Variants in BTN3A2 observed in about 807,000 individuals in gnomAD.
BTN3A2 encodes butyrophilin subfamily 3 member A2.
A neutral mutation model predicts 37.6 loss-of-function variants in BTN3A2; 25 were observed. The ratio of observed to expected loss-of-function variants is 0.66; its 90% CI spans 0.48 to 0.93. The LOEUF is 0.93. BTN3A2 is among the 40% of genes least tolerant of loss of function. BTN3A2 has a pLI of 0.00. For synonymous variants in BTN3A2, 122 were observed against 159.4 expected (o/e 0.77, Z 1.77); for missense variants, 266 against 410.9 (o/e 0.65, Z 3.05).
In BTN3A2 at chr6:26,376,838, G is replaced by A; in HGVS notation, c.*1076G>A. The A allele has an allele frequency of 1.2e-6, 2 of 1,614,048 alleles. No homozygotes were observed. The highest frequency in any genetic ancestry group is 1.7e-6 in the Non-Finnish European group (2 of 1,179,968). On this transcript the variant is annotated 3_prime_UTR_variant, in exon 11 of 11. Coordinates refer to ENST00000377708, the MANE Select transcript of BTN3A2 (RefSeq NM_007047.5). Reference sequence around the variant, plus strand: ...AAGTTTGGGTCAAAATGACACCGGAGAACGGATACTGGACTATGGGCCTGA... The same window carrying A: ...AAGTTTGGGTCAAAATGACACCGGAAAACGGATACTGGACTATGGGCCTGA...
chr6:26,369,841 T>C (rs1009418271), intron 4 of BTN3A2, among the ~76,000 whole-genome samples: 1 of 152,182 alleles, frequency 6.6e-6, no homozygotes, highest in Non-Finnish European at 1.5e-5. Flanking sequence ...TTTCCATATG[T>C]TGGGACAGCT....
chr6:26,376,952 C>T lies in BTN3A2; in HGVS notation c.*1190C>T, dbSNP rs149826859. The T allele has an allele frequency of 4.7e-5, 75 of 1,598,716 alleles. No homozygotes were observed. The highest frequency in any genetic ancestry group is 2.9e-4 in the South Asian group (26 of 90,750). The stretch of plus-strand genomic sequence containing the variant: ...CTAGGAAAGTGGGGGTCATCCTGGA[C>T]TATGAGACTGGACATATCTCGTTCT... On this transcript the variant is annotated 3_prime_UTR_variant, in exon 11 of 11. Transcript: ENST00000377708.
At position 26,375,965 on chromosome 6, in the gene BTN3A2, G is replaced by C; in HGVS notation, c.*203G>C. ...CTCATGCCTGTAATCCTAGCACTTT[G>C]GAAGGCTGAGGAGGGCGGATCACAA... is the stretch of plus-strand genomic sequence containing the variant. On this transcript the variant is annotated 3_prime_UTR_variant, in exon 11 of 11. Coordinates refer to ENST00000377708, the MANE Select transcript of BTN3A2 (RefSeq NM_007047.5). 4.5e-6 allele frequency: 5 copies of C among 1,114,892 alleles called. No homozygotes were observed. The highest frequency in any genetic ancestry group is 6.4e-6 in the Non-Finnish European group (5 of 780,022). The allele number at this position is 1,114,892 out of a possible 1,614,324, so 69.1% of individuals were successfully genotyped here. A position where few individuals can be genotyped will look rare whatever the true frequency, so the allele number is the denominator to read the frequency against.
chr6:26,365,842 T>C (rs1048618284), intron 1 of BTN3A2, among the ~76,000 whole-genome samples: 1 of 152,200 alleles, frequency 6.6e-6, no homozygotes, highest in African/African-American at 2.4e-5. Context: ...ATTTATAATA[T>C]AGTAAAATCT....
intron 5 of BTN3A2, 41 bp downstream of exon 5, chr6:26,370,644 T>G (rs776479311): frequency 6.2e-7 from 1 of 1,609,580 alleles, no homozygotes; most frequent in African/African-American, 1.3e-5. Flanking sequence ...AGCTGAGCTG[T>G]GGCAGTTGAA....
chr6:26,372,193 G>A (rs1197136009), intron 5 of BTN3A2, among the ~76,000 whole-genome samples: 1 of 152,120 alleles, frequency 6.6e-6, no homozygotes, highest in Non-Finnish European at 1.5e-5. Flanking sequence ...GCTATTTTTA[G>A]TTTAAACAAG....
chr6:26,369,964 T>G (rs906481586), intron 4 of BTN3A2, among the ~76,000 whole-genome samples: 2 of 152,180 alleles, frequency 1.3e-5, no homozygotes, highest in Non-Finnish European at 2.9e-5. Context: ...TCTGGGTGCT[T>G]ATTCACTGGC....
At position 26,376,610 on chromosome 6, in the gene BTN3A2, C is replaced by T. The variant is rs1760730567; in HGVS notation, c.*848C>T. On this transcript the variant is annotated 3_prime_UTR_variant, in exon 11 of 11. Transcript: ENST00000377708. ...TGTATCCAGACATGGCAAATGCCAT[C>T]CTCCTTGTTTCTGAGGACCAGAGGA... 2 of 1,448,636 alleles carry T rather than the reference C, an allele frequency of 1.4e-6. No individual in the cohort carries two copies. Among genetic ancestry groups the T allele is most frequent in the Admixed American group, 3.7e-5 (2 of 54,790 alleles). 89.7% of individuals were successfully genotyped at this position (1,448,636 alleles called of 1,614,324 possible).
intron 4 of BTN3A2, among the ~76,000 whole-genome samples, chr6:26,369,929 A>G (rs954370020): frequency 1.3e-5 from 2 of 152,194 alleles, no homozygotes; most frequent in Non-Finnish European, 2.9e-5. Flanking sequence ...GCAGACAATC[A>G]TAGGAGGAAG....
chr6:26,368,236 C>G lies in BTN3A2; in HGVS notation c.54C>G (p.Leu18=), dbSNP rs1454760733. The G allele has an allele frequency of 1.2e-6, 2 of 1,614,214 alleles. No homozygotes were observed. Among genetic ancestry groups the G allele is most frequent in the East Asian group, 2.2e-5 (1 of 44,888 alleles). The change falls in exon 3 of 11, where the codon CTC becomes CTG. Residue 18 remains leucine, a synonymous_variant. Transcript: ENST00000377708. ...TTCTGCTCAACTTTCATGTCTCCCT[C>G]CTCTTGGTCCAGCTGCTCACTCCTT... The part of the protein sequence containing the change: ...AFLLLNFHVS[L]LLVQLLTPCS...
At chr6:26,372,697 G>A in intron 5 of BTN3A2, 200 bp from the exon 6 acceptor site, 1 of 584,788 alleles carries the variant, frequency 1.7e-6, no homozygotes, top group Admixed American at 3.2e-5. Context: ...CTCAAGATAA[G>A]TAATAGTAGT....
At chr6:26,370,235 T>C in intron 4 of BTN3A2, 87 bp from the exon 5 acceptor site, 1 of 1,476,588 alleles carries the variant, frequency 6.8e-7, no homozygotes, top group Non-Finnish European at 9.2e-7. Context: ...TCTTGAATTA[T>C]CAAATCTGAG....
chr6:26,372,840 C>T, intron 5 of BTN3A2, 57 bp from the exon 6 acceptor site: 14 of 1,601,164 alleles, frequency 8.7e-6, no homozygotes, highest in Non-Finnish European at 1.2e-5. Flanking sequence ...TGGGGTGCTG[C>T]AGGCTGGGGA....
In BTN3A2 at chr6:26,377,043, C is replaced by A; in HGVS notation, c.*1281C>A. 1 of 1,384,424 alleles carries A rather than the reference C, an allele frequency of 7.2e-7. No individual in the cohort carries two copies. Among genetic ancestry groups the A allele is most frequent in the Non-Finnish European group, 1.0e-6 (1 of 974,862 alleles). 85.8% of individuals were successfully genotyped at this position (1,384,424 alleles called of 1,614,324 possible). On this transcript the variant is annotated 3_prime_UTR_variant, in exon 11 of 11. Coordinates refer to ENST00000377708, the MANE Select transcript of BTN3A2 (RefSeq NM_007047.5). ...CGCCTCTTCCTCTGAGCCTCTGTAT[C>A]CTGTATTCAGAATTTTGACCTTGGA...
Position 26,376,772 on chromosome 6 carries a change from G to A in BTN3A2, c.*1010G>A, listed in dbSNP as rs1760740836. The A allele has an allele frequency of 6.2e-7, 1 of 1,610,186 alleles. No homozygotes were observed. The highest frequency in any genetic ancestry group is 8.5e-7 in the Non-Finnish European group (1 of 1,176,610). On this transcript the variant is annotated 3_prime_UTR_variant, in exon 11 of 11. Coordinates refer to ENST00000377708, the MANE Select transcript of BTN3A2 (RefSeq NM_007047.5). ...AGGTGGAAGTGGGGGACAGAAAAGAGTGGCATATTGGGGTATGTAGTAAGA... is the reference window on the plus strand; with the variant it reads ...AGGTGGAAGTGGGGGACAGAAAAGAATGGCATATTGGGGTATGTAGTAAGA...
At chr6:26,374,499 T>A in intron 9 of BTN3A2, 126 bp downstream of exon 9, 2 of 1,090,802 alleles carry the variant, frequency 1.8e-6, no homozygotes, top group South Asian at 1.4e-5. Flanking sequence ...GGGGTTCACC[T>A]CCGCTTTTCT....
At chr6:26,366,302 A>G (rs1305017439) in intron 1 of BTN3A2, among the ~76,000 whole-genome samples, 2 of 152,160 alleles carry the variant, frequency 1.3e-5, no homozygotes, top group Non-Finnish European at 2.9e-5. Flanking sequence ...ATTTGCATCA[A>G]TCTCTAAATT....
chr6:26,375,230 T>C (rs1760593988), intron 10 of BTN3A2: 1 of 233,968 alleles, frequency 4.3e-6, no homozygotes, highest in Admixed American at 5.3e-5. Flanking sequence ...TCAAACTGGG[T>C]AGTTGGACAA....
At position 26,376,232 on chromosome 6, in the gene BTN3A2, A is replaced by AAAAAAAAG. The variant is rs1554126684; in HGVS notation, c.*474_*475insAAAGAAAA. 570 of 136,442 alleles carry AAAAAAAAG rather than the reference A, an allele frequency of 4.2e-3. 12 individuals are homozygous for AAAAAAAAG. The highest frequency in any genetic ancestry group is 7.3e-3 in the Admixed American group (96 of 13,234). The allele number at this position is 136,442 out of a possible 1,614,324, so 8.5% of individuals were successfully genotyped here. A position where few individuals can be genotyped will look rare whatever the true frequency, so the allele number is the denominator to read the frequency against. On this transcript the variant is annotated 3_prime_UTR_variant, in exon 11 of 11. Coordinates refer to ENST00000377708, the MANE Select transcript of BTN3A2 (RefSeq NM_007047.5). ...TGTCTCAAGAAAAAAAAAAAAAAAA[A>AAAAAAAAG]AAAAGAAAAGAAAATTAACCTCTGA...
Sources: allele counts gnomAD v4.1 joint callset (sites outside exome capture counted in the v4.1 genomes callset), GRCh38; gene constraint gnomAD v4.1.1; transcripts MANE v1.5; gene names NCBI Gene and HGNC (gene_info 2026-07-23, HGNC 2026-07-21).